The following COL19A1 variants were observed in gnomAD, a reference collection of about 807,000 sequenced individuals.
COL19A1 encodes collagen type XIX alpha 1 chain, also known as collagen alpha-1(XIX) chain.
In COL19A1, 159 loss-of-function variants were observed where a neutral mutation model predicts 190.2. The ratio of observed to expected loss-of-function variants is 0.84; its 90% confidence interval spans 0.73 to 0.95. The LOEUF (loss-of-function observed/expected upper bound fraction) is 0.95. Ranked by LOEUF, COL19A1 falls within the 40% of genes least tolerant of loss-of-function variation. The pLI is 0.00. For missense variants in COL19A1, 1,418 were observed against 1,431.9 expected, an observed-to-expected ratio of 0.99 and a Z score of 0.16; for synonymous variants, 509 against 458.9, an observed-to-expected ratio of 1.11 and a Z score of -1.39.
chr6:70,207,283 G>A lies in COL19A1; in HGVS notation c.*9G>A. ...GCACAGGTGGGAATTGAACACACCT[G>A]AAGAAGACTTGGTTCCTGGTAACAT... On this transcript the variant is annotated 3_prime_UTR_variant, in exon 51 of 51. Transcript: ENST00000620364. The A allele has an allele frequency of 5.7e-6, 9 of 1,586,574 alleles. No homozygotes were observed. Among genetic ancestry groups the A allele is most frequent in the African/African-American group, 1.4e-5 (1 of 73,804 alleles).
Position 70,180,537 on chromosome 6 carries a change from AC to A in COL19A1, c.2775+15del. 6.2e-7 allele frequency: 1 copy of A among 1,613,452 alleles called. No homozygotes were observed. The highest frequency in any genetic ancestry group is 1.7e-5 in the Admixed American group (1 of 60,014). ...TCAGGAAAGCCAGTAAGTACTTCTT[AC>A]TACTTAAAATATGCCACCTAGAGAA... On this transcript the variant is annotated intron_variant, in intron 44 of 50. Coordinates refer to ENST00000620364, the MANE Select transcript of COL19A1 (RefSeq NM_001858.6).
intron 3 of COL19A1, 60 bp downstream of exon 3, chr6:69,899,082 A>C (rs1007763155): frequency 2.3e-5 from 25 of 1,071,460 alleles, no homozygotes; most frequent in Admixed American, 8.7e-5. Flanking sequence ...CAAATGCTAG[A>C]TATGGAATAC....
chr6:70,038,262 T>C (rs1201950631), intron 14 of COL19A1, among the ~76,000 whole-genome samples: 2 of 152,194 alleles, frequency 1.3e-5, no homozygotes, highest in Non-Finnish European at 2.9e-5. Flanking sequence ...ACTGAAGAGT[T>C]AAAAAACTTA....
At chr6:70,152,898 A>T (rs968232644) in intron 31 of COL19A1, among the ~76,000 whole-genome samples, 5 of 152,142 alleles carry the variant, frequency 3.3e-5, no homozygotes, top group African/African-American at 1.2e-4. Flanking sequence ...AGAATATGGG[A>T]TCTCACAGAA....
At chr6:70,078,837 C>T (rs988959520) in intron 15 of COL19A1, among the ~76,000 whole-genome samples, 8 of 152,196 alleles carry the variant, frequency 5.3e-5, no homozygotes, top group African/African-American at 9.6e-5. Context: ...GAGGCCGAGG[C>T]GGGCAGGTAA....
intron 1 of COL19A1, among the ~76,000 whole-genome samples, chr6:69,873,872 C>T (rs989830257): frequency 6.6e-6 from 1 of 152,130 alleles, no homozygotes; most frequent in Non-Finnish European, 1.5e-5. Context: ...AATTTGAGGG[C>T]CTTAAGAAAC....
chr6:70,040,018 G>A (rs1221279399), intron 14 of COL19A1, among the ~76,000 whole-genome samples: 1 of 151,422 alleles, frequency 6.6e-6, no homozygotes, highest in Non-Finnish European at 1.5e-5. Context: ...CTCCTCCCTT[G>A]GCCTCCCAAA....
chr6:69,875,500 C>T (rs1163410292), intron 1 of COL19A1, among the ~76,000 whole-genome samples: 1 of 152,124 alleles, frequency 6.6e-6, no homozygotes, highest in African/African-American at 2.4e-5. Flanking sequence ...GTTGAGGGGT[C>T]TAGACCAGGG....
At chr6:70,130,945 G>A (rs528072783) in intron 18 of COL19A1, 156 of 220,640 alleles carry the variant, frequency 7.1e-4, no homozygotes, top group African/African-American at 3.3e-3. Context: ...GCCATTTTTG[G>A]TGGGGTTTTA....
chr6:70,052,144 A>G (rs1001329850), intron 14 of COL19A1, among the ~76,000 whole-genome samples: 3 of 152,124 alleles, frequency 2.0e-5, no homozygotes, highest in African/African-American at 7.2e-5. Context: ...ACTTTGGCCC[A>G]AGTGGGCAAC....
intron 16 of COL19A1, among the ~76,000 whole-genome samples, chr6:70,102,737 T>C (rs1011978390): frequency 6.6e-6 from 1 of 151,958 alleles, no homozygotes; most frequent in African/African-American, 2.4e-5. Flanking sequence ...AAAAAAAAAA[T>C]ATTCAATTTC....
At chr6:70,044,333 G>T (rs1281068920) in intron 14 of COL19A1, among the ~76,000 whole-genome samples, 1 of 152,120 alleles carries the variant, frequency 6.6e-6, no homozygotes, top group Non-Finnish European at 1.5e-5. Flanking sequence ...CACTATAGTA[G>T]CACATTTAAT....
chr6:69,964,614 A>C (rs752084276), intron 11 of COL19A1, among the ~76,000 whole-genome samples: 4 of 152,172 alleles, frequency 2.6e-5, no homozygotes, highest in Non-Finnish European at 5.9e-5. Context: ...CATTCACCGT[A>C]TTTGGCTTCA....
intron 40 of COL19A1, among the ~76,000 whole-genome samples, chr6:70,170,112 T>C (rs138785400): frequency 7.2e-4 from 109 of 152,194 alleles, no homozygotes; most frequent in African/African-American, 2.5e-3. Context: ...GAGATGTGAA[T>C]TGAGTGAGTG....
intron 14 of COL19A1, among the ~76,000 whole-genome samples, chr6:70,045,809 T>C (rs1253706323): frequency 2.0e-5 from 3 of 152,224 alleles, no homozygotes; most frequent in Non-Finnish European, 4.4e-5. Flanking sequence ...CCAGCAAGTC[T>C]GTAGGCTTTC....
chr6:70,039,238 G>A (rs774740919), intron 14 of COL19A1, among the ~76,000 whole-genome samples: 11 of 152,246 alleles, frequency 7.2e-5, no homozygotes, highest in Non-Finnish European at 7.4e-5. Flanking sequence ...AGGCACGCTC[G>A]AGAACTAAGG....
chr6:69,996,720 T>C (rs1776924400), intron 11 of COL19A1, among the ~76,000 whole-genome samples: 1 of 152,076 alleles, frequency 6.6e-6, no homozygotes, highest in South Asian at 2.1e-4. Flanking sequence ...TTTACATTAC[T>C]GAAAAACTGT....
chr6:69,945,783 T>G lies in COL19A1; in HGVS notation c.936+7683T>G, dbSNP rs146250717. The stretch of plus-strand genomic sequence containing the variant: ...CATCTGAAATTAACAGATAGTATCA[T>G]TATAATAATGGTATTACATATTCAT... On this transcript the variant is annotated intron_variant, in intron 9 of 50. Transcript: ENST00000620364. Among the ~76,000 whole-genome samples the G allele has an allele frequency of 2.0e-5, 3 of 152,164 alleles. No individual in the cohort carries two copies. In the East Asian group the frequency reaches 5.8e-4, roughly 29 times the overall value.
intron 11 of COL19A1, among the ~76,000 whole-genome samples, chr6:69,997,174 G>T (rs1479858411): frequency 6.6e-6 from 1 of 152,028 alleles, no homozygotes; most frequent in Non-Finnish European, 1.5e-5. Flanking sequence ...CTTGAGAAAG[G>T]ACTGCAACAT....
Sources: gnomAD v4.1 joint callset for allele counts (sites outside exome capture counted in the v4.1 genomes callset) on GRCh38, gnomAD v4.1.1 for gene constraint, MANE v1.5 for transcripts, NCBI Gene and HGNC (gene_info 2026-07-23, HGNC 2026-07-21) for gene names.